LIG3: variants seen among roughly 807,000 people sequenced by gnomAD.
LIG3 encodes the protein DNA ligase 3, also known as ligase II, DNA, ATP-dependent.
Under a neutral mutation model 110.9 loss-of-function variants are expected in LIG3, and 58 were observed. The ratio of observed to expected loss-of-function variants is 0.52; its 90% confidence interval spans 0.42 to 0.65. The LOEUF is 0.65. LIG3 is among the 30% of genes least tolerant of loss of function. LIG3 has a pLI of 0.00. For missense variants in LIG3, 1,094 were observed against 1,273.8 expected (o/e 0.86, Z 2.15); for synonymous variants, 422 against 472.8 (o/e 0.89, Z 1.39).
rs368860511 is a variant in LIG3, at chr17:35,008,927, G to C, written c.*4421G>C. 6.6e-6 allele frequency: 1 copy of C among 152,130 alleles called. No homozygotes were observed. The highest frequency in any genetic ancestry group is 1.5e-5 in the Non-Finnish European group (1 of 68,054). The allele number at this position is 152,130 out of a possible 1,614,324, so 9.4% of individuals were successfully genotyped here. Reference sequence around the variant, plus strand: ...ATTACAGGCGTGAGCCACCGCACCCGGCCCTTGTTTGTTTTTTTAAGTAGA... The same window carrying C: ...ATTACAGGCGTGAGCCACCGCACCCCGCCCTTGTTTGTTTTTTTAAGTAGA... On this transcript the variant is annotated 3_prime_UTR_variant, in exon 20 of 20. Transcript: ENST00000378526.
intron 9 of LIG3, among the ~76,000 whole-genome samples, chr17:34,995,179 G>A (rs940647342): frequency 1.3e-5 from 2 of 152,184 alleles, no homozygotes; most frequent in African/African-American, 4.8e-5. Flanking sequence ...AGGGGAACAT[G>A]TTGTGTGGCC....
At chr17:34,982,226 C>G (rs1255526352) in intron 1 of LIG3, among the ~76,000 whole-genome samples, 2 of 152,172 alleles carry the variant, frequency 1.3e-5, no homozygotes, top group Non-Finnish European at 2.9e-5. Context: ...TTAGTTGTCT[C>G]TCAATATAGG....
chr17:34,991,647 T>C, intron 5 of LIG3, 24 bp from the exon 6 acceptor site: 2 of 1,612,128 alleles, frequency 1.2e-6, no homozygotes, highest in Non-Finnish European at 1.7e-6. Context: ...GTTGCAGCAG[T>C]GGCATTTTGG....
At chr17:34,996,429 G>GC in intron 10 of LIG3, 145 bp from the exon 11 acceptor site, 1 of 798,876 alleles carries the variant, frequency 1.3e-6, no homozygotes, top group Admixed American at 2.4e-5. Context: ...TCTGCTCAGT[G>GC]CCCTTATGGC....
Position 34,997,724 on chromosome 17 carries a change from C to G in LIG3, c.1824-14C>G, listed in dbSNP as rs77365544. The G allele has an allele frequency of 6.2e-7, 1 of 1,606,346 alleles. No individual in the cohort carries two copies. Among genetic ancestry groups the G allele is most frequent in the African/African-American group, 1.3e-5 (1 of 74,898 alleles). On this transcript the variant is annotated splice_polypyrimidine_tract_variant and intron_variant, in intron 11 of 19. Coordinates refer to ENST00000378526, the MANE Select transcript of LIG3 (RefSeq NM_013975.4). ...AGGATCCCGGCCTAACCTCAGCTCT[C>G]CTGTTCTCCTCAGACCTCTGTGTGA... is the stretch of plus-strand genomic sequence containing the variant.
In LIG3 at chr17:34,993,857, A is replaced by G. The variant is rs3135991; in HGVS notation, c.1456-419A>G. Among the ~76,000 whole-genome samples the G allele has an allele frequency of 7.2e-3, 1,093 of 152,092 alleles. 11 individuals are homozygous for G. Among genetic ancestry groups the G allele is most frequent in the African/African-American group, 0.025 (1,018 of 41,474 alleles). On this transcript the variant is annotated intron_variant, in intron 8 of 19. Coordinates refer to ENST00000378526, the MANE Select transcript of LIG3 (RefSeq NM_013975.4). ...TTGTTGTAGGGACCCACGATCACTC[A>G]CCCTGCCAGCCTCACTGTCACCTGC...
At chr17:34,994,805 T>A (rs1429873431) in intron 9 of LIG3, among the ~76,000 whole-genome samples, 1 of 152,220 alleles carries the variant, frequency 6.6e-6, no homozygotes, top group Admixed American at 6.5e-5. Context: ...TATTGGGCTG[T>A]CATTCATTAA....
rs2090720669 is a variant in LIG3 at position 34,991,526 on chromosome 17, G to C, written c.1042-145G>C. ...CCTTCTAGGAATTGTGGATGGGCTA[G>C]TGTCTCTAAGAAGTGGGCTAGATAT... On this transcript the variant is annotated intron_variant, in intron 5 of 19. Coordinates refer to ENST00000378526, the MANE Select transcript of LIG3 (RefSeq NM_013975.4). 9 of 741,232 alleles carry C rather than the reference G, an allele frequency of 1.2e-5. No individual in the cohort carries two copies. The East Asian group carries it at 2.3e-4, about 19-fold the overall frequency. The allele number at this position is 741,232 out of a possible 1,614,324, so 45.9% of individuals were successfully genotyped here. A position where few individuals can be genotyped will look rare whatever the true frequency, so the allele number is the denominator to read the frequency against.
At chr17:35,002,583 C>T (rs1455399369) in intron 18 of LIG3, 85 bp from the exon 19 acceptor site, 6 of 1,467,014 alleles carry the variant, frequency 4.1e-6, no homozygotes, top group Middle Eastern at 2.4e-4. Flanking sequence ...ACTGCAGCCT[C>T]GAACTCCTGA....
rs2090911776 is a variant in LIG3 at position 35,008,460 on chromosome 17, G to T, written c.*3954G>T. The T allele has an allele frequency of 6.6e-6, 1 of 150,956 alleles. No homozygotes were observed. The highest frequency in any genetic ancestry group is 1.5e-5 in the Non-Finnish European group (1 of 67,806). The allele number at this position is 150,956 out of a possible 1,614,324, so 9.4% of individuals were successfully genotyped here. On this transcript the variant is annotated 3_prime_UTR_variant, in exon 20 of 20. Coordinates refer to ENST00000378526, the MANE Select transcript of LIG3 (RefSeq NM_013975.4). ...AATTTTTTTTTTTTTTTAATACAGG[G>T]TCTCACTCTGTCACCCTGGCTGGAG...
intron 19 of LIG3, chr17:35,003,198 G>A (rs961959494): frequency 2.7e-5 from 40 of 1,486,818 alleles, no homozygotes; most frequent in South Asian, 1.4e-4. Flanking sequence ...AGCAAGCAGC[G>A]AGTCGGGGAG....
intron 14 of LIG3, chr17:34,999,048 CT>C (rs1382439519): frequency 1.9e-6 from 1 of 520,134 alleles, no homozygotes; most frequent in Admixed American, 3.4e-5. Flanking sequence ...GGAACTAATA[CT>C]TTTAAGCAAT....
At position 35,005,339 on chromosome 17, in the gene LIG3, T is replaced by C. The variant is rs1567696674; in HGVS notation, c.*833T>C. 1 of 553,472 alleles carries C rather than the reference T, an allele frequency of 1.8e-6. No individual in the cohort carries two copies. Among genetic ancestry groups the C allele is most frequent in the Non-Finnish European group, 3.7e-6 (1 of 272,530 alleles). 34.3% of individuals were successfully genotyped at this position (553,472 alleles called of 1,614,324 possible). A position where few individuals can be genotyped will look rare whatever the true frequency, so the allele number is the denominator to read the frequency against. On this transcript the variant is annotated 3_prime_UTR_variant, in exon 20 of 20. Transcript: ENST00000378526. ...CCATATCCCATTCTTAGTGCTCGAG[T>C]GTTCCAACCTGAAGTTGAAGAAGCC...
At chr17:35,010,812 G>A (rs964409113), downstream of LIG3, 4 of 151,692 alleles carry the variant, frequency 2.6e-5, no homozygotes, top group African/African-American at 4.8e-5. Flanking sequence ...GAAAGGGAAT[G>A]AAAGTAGGGT....
Position 34,991,081 on chromosome 17 carries a change from C to T in LIG3, c.1008C>T (p.Cys336=). ...IVKLFSRIFN[C]NPDDMARDLE... is the part of the protein sequence containing the mutation. Reference sequence around the variant, plus strand: ...AGCTTTTCAGTCGCATTTTTAACTGCAACCCAGATGATATGGCACGGGACC... The same window carrying T: ...AGCTTTTCAGTCGCATTTTTAACTGTAACCCAGATGATATGGCACGGGACC... The change falls in exon 5 of 20, where the codon TGC becomes TGT. Residue 336 remains cysteine (C), a synonymous_variant. Transcript: ENST00000378526. 2 of 1,614,074 alleles carry T rather than the reference C, an allele frequency of 1.2e-6. No individual in the cohort carries two copies. The highest frequency in any genetic ancestry group is 1.7e-6 in the Non-Finnish European group (2 of 1,180,024).
intron 1 of LIG3, among the ~76,000 whole-genome samples, chr17:34,982,501 G>A (rs1286282708): frequency 2.0e-5 from 3 of 152,034 alleles, no homozygotes; most frequent in African/African-American, 7.2e-5. Context: ...AAAAAAGTTA[G>A]CCGGGCGTGG....
intron 1 of LIG3, among the ~76,000 whole-genome samples, chr17:34,982,618 G>A (rs2090609012): frequency 1.3e-5 from 2 of 150,590 alleles, no homozygotes; most frequent in Non-Finnish European, 2.9e-5. Flanking sequence ...ATGTACTCCA[G>A]CCTGGGCAAT....
rs1408914477 is a variant in LIG3, at chr17:34,996,179, C to G, written c.1727C>G (p.Thr576Ser). ...ACAGGCAAACCACTGCCCTTTGGGA[C>G]TCTGGGAGTACACAAGGTACTAGCT... ...NKTGKPLPFGTLGVHKKAAFQ... is the reference protein window; with the variant it reads ...NKTGKPLPFGSLGVHKKAAFQ... The change falls in exon 10 of 20, where the codon ACT becomes AGT. Residue 576 changes from threonine (T) to serine (S), a missense_variant. Thr to Ser is a moderately conservative substitution (Grantham distance 58). Transcript: ENST00000378526. 1 of 1,614,164 alleles carries G rather than the reference C, an allele frequency of 6.2e-7. No individual in the cohort carries two copies. Among genetic ancestry groups the G allele is most frequent in the Non-Finnish European group, 8.5e-7 (1 of 1,180,020 alleles).
At chr17:35,002,520 A>T (rs3136027) in intron 18 of LIG3, 148 bp from the exon 19 acceptor site, 35,897 of 772,084 alleles carry the variant, frequency 0.046, 1,107 homozygotes, top group Non-Finnish European at 0.061. Context: ...TTTTTTAGAG[A>T]CAGGGTCTCA....
Sources: allele counts gnomAD v4.1 joint callset (sites outside exome capture counted in the v4.1 genomes callset), GRCh38; gene constraint gnomAD v4.1.1; transcripts MANE v1.5; gene names NCBI Gene and HGNC (gene_info 2026-07-23, HGNC 2026-07-21).